NEGR1: variants seen among roughly 807,000 people sequenced by gnomAD.
The protein encoded by NEGR1 is neuronal growth regulator 1.
NEGR1 carries 10 observed loss-of-function variants against 40.9 expected under a neutral mutation model. That is an observed-to-expected ratio of 0.24 (90% CI 0.15 to 0.42). The LOEUF (loss-of-function observed/expected upper bound fraction) is 0.42. NEGR1 is among the 10% of genes least tolerant of loss of function. The pLI is 1.00. For missense variants in NEGR1, 352 were observed against 438.9 expected (o/e 0.80, Z 1.77); for synonymous variants, 185 against 166.8 (o/e 1.11, Z -0.84).
intron 6 of NEGR1, among the ~76,000 whole-genome samples, chr1:71,535,876 T>C (rs542165316): frequency 6.6e-6 from 1 of 151,832 alleles, no homozygotes; most frequent in Non-Finnish European, 1.5e-5. Flanking sequence ...AATGAATCTC[T>C]CCAACCCCTA....
At chr1:71,992,169 C>G (rs998442794) in intron 1 of NEGR1, among the ~76,000 whole-genome samples, 2 of 152,002 alleles carry the variant, frequency 1.3e-5, no homozygotes, top group Non-Finnish European at 2.9e-5. Context: ...TTTTGAAGAA[C>G]AGCTTTAATA....
intron 4 of NEGR1, among the ~76,000 whole-genome samples, chr1:71,633,551 G>A (rs574686529): frequency 6.6e-6 from 1 of 152,104 alleles, no homozygotes; most frequent in East Asian, 1.9e-4. Context: ...AAAATCCTGA[G>A]GGAAGAAATT....
intron 1 of NEGR1, among the ~76,000 whole-genome samples, chr1:71,978,501 T>C (rs537915971): frequency 6.6e-6 from 1 of 151,962 alleles, no homozygotes; most frequent in Non-Finnish European, 1.5e-5. Context: ...ACCTAACAAC[T>C]ACCAAACTCA....
At chr1:71,595,995 T>C (rs1649697026) in intron 5 of NEGR1, among the ~76,000 whole-genome samples, 1 of 147,582 alleles carries the variant, frequency 6.8e-6, no homozygotes, top group South Asian at 2.1e-4. Context: ...GATTATACAA[T>C]GAAATATGCT....
At chr1:72,101,332 T>C (rs1270189656) in intron 1 of NEGR1, among the ~76,000 whole-genome samples, 3 of 152,168 alleles carry the variant, frequency 2.0e-5, no homozygotes, top group African/African-American at 4.8e-5. Flanking sequence ...AAAAGAACTA[T>C]TGAGCTGCAA....
intron 2 of NEGR1, among the ~76,000 whole-genome samples, chr1:71,931,180 G>C (rs1040710418): frequency 1.3e-5 from 2 of 152,136 alleles, no homozygotes; most frequent in African/African-American, 4.8e-5. Context: ...CCTTTGAGAA[G>C]TTATTTTGAT....
At chr1:71,625,871 T>G (rs1482228471) in intron 4 of NEGR1, among the ~76,000 whole-genome samples, 1 of 151,928 alleles carries the variant, frequency 6.6e-6, no homozygotes, top group Non-Finnish European at 1.5e-5. Flanking sequence ...TTTTTATATT[T>G]AGATGACTAT....
At chr1:71,523,803 T>C (rs1425185637) in intron 6 of NEGR1, among the ~76,000 whole-genome samples, 1 of 151,900 alleles carries the variant, frequency 6.6e-6, no homozygotes, top group African/African-American at 2.4e-5. Flanking sequence ...CAAGCATGCA[T>C]CAGTTTAACA....
intron 2 of NEGR1, among the ~76,000 whole-genome samples, chr1:71,841,023 A>ACCT (rs1659217512): frequency 6.6e-6 from 1 of 152,078 alleles, no homozygotes; most frequent in Non-Finnish European, 1.5e-5. Context: ...TGGACTTGCC[A>ACCT]ACCTCCACAA....
intron 1 of NEGR1, among the ~76,000 whole-genome samples, chr1:71,993,883 C>T (rs1448649138): frequency 1.3e-5 from 2 of 152,248 alleles, no homozygotes; most frequent in Non-Finnish European, 2.9e-5. Flanking sequence ...TGGAGATACT[C>T]TCCAAATTCT....
chr1:72,264,322 C>T (rs917183203), intron 1 of NEGR1, among the ~76,000 whole-genome samples: 1 of 151,130 alleles, frequency 6.6e-6, no homozygotes, highest in South Asian at 2.1e-4. Context: ...CCTCATAAGG[C>T]TGTTGTGATA....
chr1:71,527,574 C>A (rs941016628), intron 6 of NEGR1, among the ~76,000 whole-genome samples: 1 of 151,516 alleles, frequency 6.6e-6, no homozygotes, highest in Non-Finnish European at 1.5e-5. Flanking sequence ...AATATTTTCA[C>A]CCCTCTCTAT....
At chr1:71,611,458 A>G (rs962022921) in intron 4 of NEGR1, among the ~76,000 whole-genome samples, 2 of 152,114 alleles carry the variant, frequency 1.3e-5, no homozygotes, top group African/African-American at 4.8e-5. Context: ...GTCCAACTCT[A>G]CTGCAGTAAT....
intron 6 of NEGR1, among the ~76,000 whole-genome samples, chr1:71,583,046 C>T (rs572892736): frequency 6.6e-6 from 1 of 151,906 alleles, no homozygotes; most frequent in Non-Finnish European, 1.5e-5. Flanking sequence ...CTATCTGTCT[C>T]TTTTGGTGAT....
At chr1:71,785,191 G>C (rs982443436) in intron 2 of NEGR1, among the ~76,000 whole-genome samples, 2 of 152,140 alleles carry the variant, frequency 1.3e-5, no homozygotes, top group South Asian at 2.1e-4. Flanking sequence ...TCAGGCAACA[G>C]CAGCAGCAGC....
At chr1:71,850,075 A>G (rs1350469176) in intron 2 of NEGR1, among the ~76,000 whole-genome samples, 1 of 149,314 alleles carries the variant, frequency 6.7e-6, no homozygotes, top group Admixed American at 6.8e-5. Flanking sequence ...TGACATATCC[A>G]TTACTTACAT....
intron 1 of NEGR1, among the ~76,000 whole-genome samples, chr1:72,195,631 T>G (rs924060312): frequency 3.5e-5 from 5 of 144,812 alleles, no homozygotes; most frequent in Admixed American, 3.4e-4. Flanking sequence ...CTACTGGATA[T>G]GGTCAGGAAG....
intron 6 of NEGR1, among the ~76,000 whole-genome samples, chr1:71,464,160 A>C (rs894887633): frequency 1.3e-5 from 2 of 152,084 alleles, no homozygotes; most frequent in Admixed American, 6.6e-5. Flanking sequence ...TTCATTAAGG[A>C]AAGGGGGAAA....
chr1:71,930,739 T>C (rs76765288), intron 2 of NEGR1, among the ~76,000 whole-genome samples: 11,727 of 152,214 alleles, frequency 0.077, 609 homozygotes, highest in Non-Finnish European at 0.12. Flanking sequence ...GTGCAAGATG[T>C]TTATTAGGAA....
Sources: allele counts gnomAD v4.1 joint callset (sites outside exome capture counted in the v4.1 genomes callset), GRCh38; gene constraint gnomAD v4.1.1; transcripts MANE v1.5; gene names NCBI Gene and HGNC (gene_info 2026-07-23, HGNC 2026-07-21).